Variants in STRN observed in about 807,000 individuals in gnomAD.
The protein encoded by STRN is protein phosphatase 2 regulatory subunit B'''alpha.
In STRN, 53 loss-of-function variants were observed where a neutral mutation model predicts 96.3. The ratio of observed to expected loss-of-function variants is 0.55; its 90% CI spans 0.44 to 0.69. The LOEUF (loss-of-function observed/expected upper bound fraction) is 0.69. Among genes scored for constraint, STRN ranks in the 30% least tolerant of loss-of-function variants. The probability of loss-of-function intolerance (pLI) is 0.00; values close to 1 mark genes in which losing one functional copy is unlikely to be tolerated. For missense variants in STRN, 987 were observed against 963.9 expected (o/e 1.02, Z -0.32); for synonymous variants, 428 against 355.9 (o/e 1.20, Z -2.28).
At chr2:36,937,540 C>T (rs1469591578) in intron 1 of STRN, among the ~76,000 whole-genome samples, 2 of 151,768 alleles carry the variant, frequency 1.3e-5, no homozygotes, top group Non-Finnish European at 2.9e-5. Flanking sequence ...CATGGTGGTG[C>T]ACACCTGTAG....
chr2:36,886,351 G>A (rs1352819453), intron 8 of STRN, among the ~76,000 whole-genome samples: 1 of 151,778 alleles, frequency 6.6e-6, no homozygotes, highest in Non-Finnish European at 1.5e-5. Context: ...ATTGCCAGAG[G>A]GTCACACTAA....
At position 36,883,913 on chromosome 2, in the gene STRN, G is replaced by T; in HGVS notation, c.1186+19C>A. On this transcript the variant is annotated intron_variant, in intron 9 of 17. Transcript: ENST00000263918. ...ACATCCAAGTGCATTTTGTGCTCCAGAGTATCTTAAATACTTACCTTCATC... is the reference window on the plus strand; with the variant it reads ...ACATCCAAGTGCATTTTGTGCTCCATAGTATCTTAAATACTTACCTTCATC... 1.5e-6 allele frequency: 2 copies of T among 1,330,698 alleles called. No individual in the cohort carries two copies. The highest frequency in any genetic ancestry group is 1.9e-6 in the Non-Finnish European group (2 of 1,031,624). 82.4% of individuals were successfully genotyped at this position (1,330,698 alleles called of 1,614,324 possible). A position where few individuals can be genotyped will look rare whatever the true frequency, so the allele number is the denominator to read the frequency against.
Position 36,877,944 on chromosome 2 carries a change from C to T in STRN, c.1270G>A (p.Gly424Arg). 1 of 1,614,206 alleles carries T rather than the reference C, an allele frequency of 6.2e-7. No homozygotes were observed. The highest frequency in any genetic ancestry group is 8.5e-7 in the Non-Finnish European group (1 of 1,180,034). ...DEALESELGL[G>R]ELAGLTVANE... is the part of the protein sequence containing the mutation. ...GCCACCGTAAGGCCTGCTAGTTCTC[C>T]AAGTCCCAGTTCACTTTCAAGGGCT... is the stretch of plus-strand genomic sequence containing the variant. Residue 424 changes from glycine to arginine, a missense_variant, in exon 10 of 18, where the codon GGA becomes AGA. By Grantham distance (125) the Gly-to-Arg change is moderately radical (BLOSUM62 -2). Transcript: ENST00000263918.
In STRN at chr2:36,857,929, T is replaced by G. The variant is rs760855685; in HGVS notation, c.1764A>C (p.Ser588=). 6.2e-7 allele frequency: 1 copy of G among 1,614,126 alleles called. No homozygotes were observed. The highest frequency in any genetic ancestry group is 8.5e-7 in the Non-Finnish European group (1 of 1,180,008). Residue 588 remains serine (S), a synonymous_variant, in exon 14 of 18, where the codon TCA becomes TCC. Transcript: ENST00000263918. ...SAAHQRLLSC[S]ADGTLRLWNT... Reference sequence around the variant, plus strand: ...TCCATAAACGCAGAGTGCCATCTGCTGAACAGGACAACAAACGCTGATGTG... The same window carrying G: ...TCCATAAACGCAGAGTGCCATCTGCGGAACAGGACAACAAACGCTGATGTG...
intron 6 of STRN, among the ~76,000 whole-genome samples, chr2:36,898,215 A>T (rs1414394361): frequency 6.6e-6 from 1 of 152,234 alleles, no homozygotes; most frequent in Non-Finnish European, 1.5e-5. Context: ...AAGTATTTTG[A>T]TGGAAAAATA....
At position 36,838,746 on chromosome 2, in the gene STRN, T is replaced by A. The variant is rs1416363731; in HGVS notation, c.*10710A>T. On this transcript the variant is annotated 3_prime_UTR_variant, in exon 18 of 18. Transcript: ENST00000263918. ...AATCTATTCCGCAGACGTAAAACCA[T>A]CATGGTGACAAACATATACACAGGA... Among the ~76,000 whole-genome samples, 2 of 152,106 alleles carry A rather than the reference T, an allele frequency of 1.3e-5. No homozygotes were observed. Among genetic ancestry groups the A allele is most frequent in the African/African-American group, 2.4e-5 (1 of 41,422 alleles).
chr2:36,959,796 T>C (rs1664984031), intron 1 of STRN, among the ~76,000 whole-genome samples: 6 of 152,180 alleles, frequency 3.9e-5, no homozygotes, highest in Admixed American at 3.9e-4. Context: ...ACTAAAGCAG[T>C]GGTTCTCAAT....
intron 1 of STRN, among the ~76,000 whole-genome samples, chr2:36,938,582 G>T (rs1264490778): frequency 6.6e-6 from 1 of 152,244 alleles, no homozygotes; most frequent in East Asian, 1.9e-4. Flanking sequence ...ACTGGTGTTT[G>T]CTATTTGCAT....
intron 9 of STRN, among the ~76,000 whole-genome samples, 187 bp downstream of exon 9, chr2:36,883,745 A>C (rs1330417529): frequency 6.6e-6 from 1 of 152,182 alleles, no homozygotes; most frequent in Non-Finnish European, 1.5e-5. Flanking sequence ...GCACCTTCTC[A>C]AGTCTTGAAG....
chr2:36,857,843 T>C lies in STRN; in HGVS notation c.1837+13A>G, dbSNP rs780416923. On this transcript the variant is annotated intron_variant, in intron 14 of 17. Transcript: ENST00000263918. ...ATAGAGGATTCAGCAAAATAATTTTTTAAAGTATGTACCTTTAGTATCATT... is the reference window on the plus strand; with the variant it reads ...ATAGAGGATTCAGCAAAATAATTTTCTAAAGTATGTACCTTTAGTATCATT... 1 of 1,596,964 alleles carries C rather than the reference T, an allele frequency of 6.3e-7. No homozygotes were observed. Among genetic ancestry groups the C allele is most frequent in the Non-Finnish European group, 8.6e-7 (1 of 1,168,276 alleles).
At chr2:36,896,709 G>A (rs1277780067) in intron 6 of STRN, among the ~76,000 whole-genome samples, 1 of 152,128 alleles carries the variant, frequency 6.6e-6, no homozygotes, top group Non-Finnish European at 1.5e-5. Context: ...ATAGCTCTTA[G>A]TTCCATTCTT....
intron 12 of STRN, among the ~76,000 whole-genome samples, chr2:36,861,482 A>C (rs886582639): frequency 3.9e-5 from 6 of 152,210 alleles, no homozygotes; most frequent in Non-Finnish European, 7.3e-5. Flanking sequence ...GTTTCTGTAC[A>C]GTCCTCAAGC....
chr2:36,851,390 G>T (rs959475564), intron 15 of STRN, among the ~76,000 whole-genome samples: 4 of 152,050 alleles, frequency 2.6e-5, no homozygotes, highest in African/African-American at 9.7e-5. Context: ...GGCTGAGGCA[G>T]GAAAATCACT....
At chr2:36,930,489 C>T (rs1338497852) in intron 1 of STRN, among the ~76,000 whole-genome samples, 2 of 151,442 alleles carry the variant, frequency 1.3e-5, no homozygotes, top group Non-Finnish European at 2.9e-5. Flanking sequence ...CCATCAGAAT[C>T]ACCCAGATGA....
At chr2:36,939,792 C>G (rs1213896150) in intron 1 of STRN, among the ~76,000 whole-genome samples, 1 of 152,092 alleles carries the variant, frequency 6.6e-6, no homozygotes, top group Non-Finnish European at 1.5e-5. Flanking sequence ...GTAAATAAAA[C>G]AGGTTTCAAA....
intron 1 of STRN, among the ~76,000 whole-genome samples, chr2:36,959,737 T>C (rs1250990945): frequency 6.6e-6 from 1 of 152,178 alleles, no homozygotes; most frequent in Non-Finnish European, 1.5e-5. Context: ...CTAATAAAAG[T>C]GTTGAAATCA....
At chr2:36,893,319 T>G (rs1669449404) in intron 7 of STRN, among the ~76,000 whole-genome samples, 1 of 152,208 alleles carries the variant, frequency 6.6e-6, no homozygotes, top group South Asian at 2.1e-4. Flanking sequence ...AGCGTACTTT[T>G]AACGATTTAT....
At position 36,956,844 on chromosome 2, in the gene STRN, T is replaced by C. The variant is rs779201157; in HGVS notation, c.234+9386A>G. On this transcript the variant is annotated intron_variant, in intron 1 of 17. Transcript: ENST00000263918. ...CAAAAATTAGTAGGGCCATTCTTAT[T>C]TGTCAGATTTTGAAAGTAAAATAAG... is the stretch of plus-strand genomic sequence containing the variant. Among the ~76,000 whole-genome samples, 4 of 152,240 alleles carry C rather than the reference T, an allele frequency of 2.6e-5. No homozygotes were observed. In the South Asian group the frequency reaches 8.3e-4, roughly 32 times the overall value.
rs61245812 is a variant in STRN, at chr2:36,933,059, T to TACACACAC, written c.235-7859_235-7852dup. On this transcript the variant is annotated intron_variant, in intron 1 of 17. Coordinates refer to ENST00000263918, the MANE Select transcript of STRN (RefSeq NM_003162.4). ...CTAGAAATTCCATTTTTTTTTAATTTACACACACACACACACACACACACA... is the reference window on the plus strand; with the variant it reads ...CTAGAAATTCCATTTTTTTTTAATTTACACACACACACACACACACACACACACACACA... 2.1e-3 allele frequency among the ~76,000 whole-genome samples: 313 copies of TACACACAC among 148,076 alleles called. 4 individuals are homozygous for TACACACAC. Among genetic ancestry groups the TACACACAC allele is most frequent in the South Asian group, 6.3e-3 (29 of 4,628 alleles).
Sources: gnomAD v4.1 joint callset for allele counts (sites outside exome capture counted in the v4.1 genomes callset) on GRCh38, gnomAD v4.1.1 for gene constraint, MANE v1.5 for transcripts, NCBI Gene and HGNC (gene_info 2026-07-23, HGNC 2026-07-21) for gene names.